EXOC6: variants seen among roughly 807,000 people sequenced by gnomAD.
EXOC6 encodes SEC15-like 1.
EXOC6 carries 60 observed loss-of-function variants against 112.5 expected under a neutral mutation model. The ratio of observed to expected loss-of-function variants is 0.53; its 90% CI spans 0.43 to 0.66. The LOEUF is 0.66. EXOC6 is among the 30% of genes least tolerant of loss of function. The pLI, the probability that EXOC6 is intolerant of heterozygous loss-of-function variation, is 0.00. For synonymous variants in EXOC6, 295 were observed against 308.0 expected (o/e 0.96, Z 0.44); for missense variants, 855 against 957.1 (o/e 0.89, Z 1.41).
intron 18 of EXOC6, among the ~76,000 whole-genome samples, chr10:92,979,736 C>T (rs1447980775): frequency 4.0e-5 from 6 of 151,546 alleles, no homozygotes; most frequent in Non-Finnish European, 5.9e-5. Flanking sequence ...TGGAGAACAG[C>T]GTGGGCGATA....
intron 17 of EXOC6, among the ~76,000 whole-genome samples, chr10:92,967,127 G>C (rs1385279277): frequency 1.3e-5 from 2 of 151,560 alleles, no homozygotes; most frequent in Non-Finnish European, 2.9e-5. Context: ...CCCACTTTTT[G>C]ATGGGGTTGT....
chr10:92,919,810 A>G (rs1477405888), intron 7 of EXOC6, among the ~76,000 whole-genome samples, 172 bp from the exon 8 acceptor site: 3 of 152,192 alleles, frequency 2.0e-5, no homozygotes, highest in Admixed American at 2.0e-4. Flanking sequence ...AAGAAATGCC[A>G]AAACAAAATA....
intron 18 of EXOC6, among the ~76,000 whole-genome samples, chr10:92,985,062 C>A (rs1467140042): frequency 6.6e-6 from 1 of 151,964 alleles, no homozygotes; most frequent in African/African-American, 2.4e-5. Flanking sequence ...AGAATGTATT[C>A]CCTTTCCTTC....
At chr10:93,037,210 A>G (rs1845553607) in intron 20 of EXOC6, among the ~76,000 whole-genome samples, 1 of 147,402 alleles carries the variant, frequency 6.8e-6, no homozygotes, top group Admixed American at 6.9e-5. Context: ...TGGTGTGATC[A>G]TGGCACATTG....
chr10:92,869,635 G>T lies in EXOC6; in HGVS notation c.101+21001G>T, dbSNP rs545626930. Among the ~76,000 whole-genome samples, 4 of 152,074 alleles carry T rather than the reference G, an allele frequency of 2.6e-5. No individual in the cohort carries two copies. In the East Asian group the frequency reaches 7.7e-4, roughly 29 times the overall value. On this transcript the variant is annotated intron_variant, in intron 1 of 21. Coordinates refer to ENST00000260762, the MANE Select transcript of EXOC6 (RefSeq NM_019053.6). ...AGGGGCCTTACATTGTCATTTAATT[G>T]GTTTTTGCTCATATATAAATGAATG...
intron 6 of EXOC6, among the ~76,000 whole-genome samples, chr10:92,913,143 A>G (rs1461497252): frequency 2.6e-5 from 4 of 152,176 alleles, no homozygotes; most frequent in Admixed American, 6.5e-5. Context: ...CAATAGTTTC[A>G]GGGGGTCTCC....
chr10:92,961,251 T>C (rs1853979281), intron 17 of EXOC6, among the ~76,000 whole-genome samples: 1 of 152,206 alleles, frequency 6.6e-6, no homozygotes, highest in Admixed American at 6.5e-5. Flanking sequence ...TGCTTTTTTA[T>C]TGATGGAGTG....
chr10:93,019,759 C>T (rs1423920259), intron 20 of EXOC6, among the ~76,000 whole-genome samples: 2 of 152,212 alleles, frequency 1.3e-5, no homozygotes, highest in African/African-American at 4.8e-5. Context: ...CACTTTCTGG[C>T]AGGCCTGAGA....
intron 7 of EXOC6, among the ~76,000 whole-genome samples, chr10:92,916,521 A>G (rs569302600): frequency 4.6e-5 from 7 of 152,318 alleles, no homozygotes; most frequent in African/African-American, 1.7e-4. Context: ...AAAAGAAGAA[A>G]AAAAACAAAC....
intron 1 of EXOC6, among the ~76,000 whole-genome samples, chr10:92,864,139 A>G (rs1848052901): frequency 6.6e-6 from 1 of 152,306 alleles, no homozygotes; most frequent in East Asian, 1.9e-4. Flanking sequence ...CCTATGAAAC[A>G]CAGAAAATTA....
intron 20 of EXOC6, among the ~76,000 whole-genome samples, chr10:93,040,884 C>G (rs995003521): frequency 2.6e-5 from 4 of 152,146 alleles, no homozygotes; most frequent in African/African-American, 9.7e-5. Context: ...TTTTCTGCCC[C>G]CTAAATGTTG....
At chr10:92,934,109 A>G in intron 9 of EXOC6, 35 bp from the exon 10 acceptor site, 1 of 1,278,722 alleles carries the variant, frequency 7.8e-7, no homozygotes, top group Admixed American at 2.0e-5. Context: ...ACCAGTATTT[A>G]TTGGTTTAAA....
chr10:92,845,906 C>T (rs893767880), upstream of EXOC6, among the ~76,000 whole-genome samples: 1 of 152,148 alleles, frequency 6.6e-6, no homozygotes, highest in Non-Finnish European at 1.5e-5. Flanking sequence ...CCATTGTTAC[C>T]CAGCCTGGGT....
rs1243754087 is a variant in EXOC6 at position 92,975,505 on chromosome 10, G to A, written c.1953+1273G>A. Among the ~76,000 whole-genome samples the A allele has an allele frequency of 4.0e-4, 57 of 143,670 alleles. 1 individual carries two copies. The highest frequency in any genetic ancestry group is 1.4e-3 in the African/African-American group (53 of 38,368). The allele number at this position is 143,670 out of a possible 152,430, so 94.3% of individuals were successfully genotyped here. ...GGGTCAGCCCCCCGCCCACCCAGCCGCCCCGTCCAGGAGGGAGGTGGGGGG... is the reference window on the plus strand; with the variant it reads ...GGGTCAGCCCCCCGCCCACCCAGCCACCCCGTCCAGGAGGGAGGTGGGGGG... On this transcript the variant is annotated intron_variant, in intron 18 of 21. Coordinates refer to ENST00000260762, the MANE Select transcript of EXOC6 (RefSeq NM_019053.6).
At chr10:92,851,489 T>C (rs958803912) in intron 1 of EXOC6, among the ~76,000 whole-genome samples, 6 of 150,806 alleles carry the variant, frequency 4.0e-5, no homozygotes, top group African/African-American at 1.2e-4. Flanking sequence ...CTACTAAAAA[T>C]ACAAAAAAAT....
chr10:92,905,414 A>G (rs1026045161), intron 5 of EXOC6, among the ~76,000 whole-genome samples: 5 of 152,074 alleles, frequency 3.3e-5, no homozygotes, highest in Admixed American at 1.3e-4. Context: ...ATTCATTAAT[A>G]TGGAATATCT....
chr10:92,921,277 T>A (rs1475802512), intron 8 of EXOC6, among the ~76,000 whole-genome samples: 1 of 141,588 alleles, frequency 7.1e-6, no homozygotes, highest in Non-Finnish European at 1.5e-5. Flanking sequence ...GGAGTTTTGC[T>A]CTTGTTGCCC....
At chr10:92,850,906 T>C (rs1847294096) in intron 1 of EXOC6, among the ~76,000 whole-genome samples, 1 of 152,150 alleles carries the variant, frequency 6.6e-6, no homozygotes, top group South Asian at 2.1e-4. Flanking sequence ...GGCCCTGACA[T>C]ATAACATGGT....
At chr10:92,914,392 C>G (rs187674892) in intron 6 of EXOC6, among the ~76,000 whole-genome samples, 1 of 152,234 alleles carries the variant, frequency 6.6e-6, no homozygotes, top group East Asian at 1.9e-4. Flanking sequence ...AAGCGGATTT[C>G]TTTACTTATG....
Sources: gnomAD v4.1 joint callset for allele counts (sites outside exome capture counted in the v4.1 genomes callset) on GRCh38, gnomAD v4.1.1 for gene constraint, MANE v1.5 for transcripts, NCBI Gene and HGNC (gene_info 2026-07-23, HGNC 2026-07-21) for gene names.